CELF2: variants seen among roughly 807,000 people sequenced by gnomAD.
CELF2 encodes the protein CUGBP Elav-like family member 2.
A neutral mutation model predicts 62.6 loss-of-function variants in CELF2; 8 were observed. The observed-to-expected ratio is 0.13, with a 90% CI of 0.07 to 0.23. CELF2 has a LOEUF of 0.23. CELF2 is among the 10% of genes least tolerant of loss of function. CELF2 has a pLI of 1.00. For synonymous variants in CELF2, 258 were observed against 250.0 expected (o/e 1.03, Z -0.30); for missense variants, 333 against 671.0 (o/e 0.50, Z 5.56).
intron 1 of CELF2, among the ~76,000 whole-genome samples, chr10:11,067,156 C>G (rs1594498727): frequency 6.6e-6 from 1 of 152,066 alleles, no homozygotes; most frequent in African/African-American, 2.4e-5. Context: ...AAGGAGGAAC[C>G]TCAGCTTGTA....
the CELF2 span, among the ~76,000 whole-genome samples, chr10:10,700,360 G>T: frequency 6.6e-6 from 1 of 152,192 alleles, no homozygotes; most frequent in Non-Finnish European, 1.5e-5. Flanking sequence ...TTTACATGCA[G>T]CCTCTGAAGG....
At chr10:10,740,153 C>CTT in the CELF2 span, among the ~76,000 whole-genome samples, 3,177 of 94,388 alleles carry the variant, frequency 0.034, 344 homozygotes, top group African/African-American at 0.075. Flanking sequence ...GTTGCCTGTG[C>CTT]TTTTTTTTTT....
chr10:11,270,523 G>A lies in CELF2; in HGVS notation c.619-143G>A, dbSNP rs2083452052. ...GTTGATGGTACTATTCAGAGAAGAAGGAATATCAAACCGTTTTAAACCATT... is the reference window on the plus strand; with the variant it reads ...GTTGATGGTACTATTCAGAGAAGAAAGAATATCAAACCGTTTTAAACCATT... On this transcript the variant is annotated intron_variant, in intron 6 of 12. Coordinates refer to ENST00000633077, the MANE Select transcript of CELF2 (RefSeq NM_001326342.2). The surrounding 1 kb of genome is among the most constrained non-coding windows in gnomAD (Gnocchi z 5.8). The A allele has an allele frequency of 3.2e-6, 2 of 616,392 alleles. No homozygotes were observed. The highest frequency in any genetic ancestry group is 3.8e-5 in the African/African-American group (2 of 52,886). 38.2% of individuals were successfully genotyped at this position (616,392 alleles called of 1,614,324 possible).
intron 1 of CELF2, among the ~76,000 whole-genome samples, chr10:10,823,902 G>A (rs541672440): frequency 6.6e-6 from 1 of 152,290 alleles, no homozygotes; most frequent in African/African-American, 2.4e-5. Flanking sequence ...CAGATCGTGT[G>A]TGTGTGTACG....
intron 8 of CELF2, among the ~76,000 whole-genome samples, chr10:11,284,569 G>A (rs141456552): frequency 7.1e-5 from 10 of 140,708 alleles, no homozygotes; most frequent in African/African-American, 2.3e-4. Flanking sequence ...GGAGGGGTGG[G>A]TGGATGATGG....
chr10:10,724,367 G>T, the CELF2 span, among the ~76,000 whole-genome samples: 3 of 152,004 alleles, frequency 2.0e-5, no homozygotes, highest in South Asian at 2.1e-4. Flanking sequence ...GGTGGCTCAG[G>T]CCTGTAATCC....
At chr10:11,202,313 A>G (rs929242984) in intron 2 of CELF2, among the ~76,000 whole-genome samples, 44 of 152,342 alleles carry the variant, frequency 2.9e-4, no homozygotes, top group African/African-American at 1.0e-3. Flanking sequence ...AAAAGCTTAT[A>G]AATATATTGG....
intron 1 of CELF2, among the ~76,000 whole-genome samples, chr10:10,903,731 TG>T (rs1564795162): frequency 6.6e-6 from 1 of 152,194 alleles, no homozygotes; most frequent in Non-Finnish European, 1.5e-5. Context: ...CATTTCCTCC[TG>T]GTGGTGAGTG....
intron 2 of CELF2, among the ~76,000 whole-genome samples, chr10:10,956,912 C>T (rs921256407): frequency 9.3e-5 from 14 of 150,396 alleles, no homozygotes; most frequent in African/African-American, 2.5e-4. Context: ...CCAGCCTGGG[C>T]GGTAGACCAA....
the CELF2 span, among the ~76,000 whole-genome samples, chr10:10,764,426 C>T: frequency 0.18 from 27,768 of 152,076 alleles, 3,225 homozygotes; most frequent in African/African-American, 0.33. Flanking sequence ...TAAACAAATA[C>T]GATGGAGCAC....
At chr10:10,883,450 A>G (rs1409116907) in intron 1 of CELF2, among the ~76,000 whole-genome samples, 1 of 152,194 alleles carries the variant, frequency 6.6e-6, no homozygotes, top group Non-Finnish European at 1.5e-5. Context: ...CAGCTCTAAC[A>G]GATTCTTCAT....
intron 1 of CELF2, among the ~76,000 whole-genome samples, chr10:11,021,123 A>G (rs1266427761): frequency 6.6e-6 from 1 of 152,186 alleles, no homozygotes; most frequent in Non-Finnish European, 1.5e-5. Context: ...ATATACATGC[A>G]TTTAGGGTTT....
rs558739674 is a variant in CELF2, at chr10:10,934,614, G to A, written c.89+14615G>A. 2.6e-5 allele frequency: 4 copies of A among 152,344 alleles called. No individual in the cohort carries two copies. In the South Asian group the frequency reaches 8.3e-4, roughly 32 times the overall value. The allele number at this position is 152,344 out of a possible 1,614,324, so 9.4% of individuals were successfully genotyped here. ...CATGATTCTCACATTTCCAGTTTAG[G>A]AATGTCCTAGTATCATGAACAAAAA... is the stretch of plus-strand genomic sequence containing the variant. On this transcript the variant is annotated intron_variant, in intron 2 of 13. Coordinates refer to the CELF2 transcript ENST00000636488. This position sits in a 1 kb window ranked among gnomAD's most constrained non-coding sequence, Gnocchi z 4.4.
the CELF2 span, among the ~76,000 whole-genome samples, chr10:10,585,628 A>T: frequency 6.6e-6 from 1 of 152,200 alleles, no homozygotes; most frequent in Non-Finnish European, 1.5e-5. Flanking sequence ...AGAACAATAA[A>T]GTGTTTTTGA....
rs916961068 is a variant in CELF2, at chr10:11,300,739, G to A, written c.976+12187G>A. 6.6e-6 allele frequency among the ~76,000 whole-genome samples: 1 copy of A among 152,180 alleles called. No individual in the cohort carries two copies. The highest frequency in any genetic ancestry group is 1.5e-5 in the Non-Finnish European group (1 of 68,040). ...CCTCACAATCTTTTCCTGCGCAGTT[G>A]GAATTCCGCATCCAAGCTCGTTTGA... On this transcript the variant is annotated intron_variant, in intron 9 of 12. Coordinates refer to ENST00000633077, the MANE Select transcript of CELF2 (RefSeq NM_001326342.2). This position sits in a 1 kb window ranked among gnomAD's most constrained non-coding sequence, Gnocchi z 5.5.
chr10:10,578,066 A>C, the CELF2 span, among the ~76,000 whole-genome samples: 1 of 152,150 alleles, frequency 6.6e-6, no homozygotes, highest in Non-Finnish European at 1.5e-5. Flanking sequence ...CTGGTGTGAG[A>C]TGGTATCTCA....
In CELF2 at chr10:10,993,109, C is replaced by T. The variant is rs1357757944; in HGVS notation, c.89+73110C>T. On this transcript the variant is annotated intron_variant, in intron 2 of 13. Transcript: ENST00000636488. The surrounding 1 kb of genome is among the most constrained non-coding windows in gnomAD (Gnocchi z 5.3). ...AGGGCAGGGCAGAACAATTGCAGGG[C>T]CAGCTGCTGTTTCCCACCGAAGAGG... is the stretch of plus-strand genomic sequence containing the variant. Among the ~76,000 whole-genome samples the T allele has an allele frequency of 6.6e-6, 1 of 152,078 alleles. No homozygotes were observed. Among genetic ancestry groups the T allele is most frequent in the East Asian group, 1.9e-4 (1 of 5,176 alleles).
At chr10:10,877,989 C>T (rs1187718194) in intron 1 of CELF2, among the ~76,000 whole-genome samples, 1 of 152,238 alleles carries the variant, frequency 6.6e-6, no homozygotes, top group Non-Finnish European at 1.5e-5. Flanking sequence ...AAAGAAAATT[C>T]ATAAACCAAG....
rs571495844 is a variant in CELF2, at chr10:10,904,572, A to T, written c.54-15392A>T. Among the ~76,000 whole-genome samples, 11 of 152,048 alleles carry T rather than the reference A, an allele frequency of 7.2e-5. No homozygotes were observed. In the South Asian group the frequency reaches 2.3e-3, roughly 32 times the overall value. ...ATAGAAGTCTACCTCATTCTTTCTA[A>T]CCACTCCCTAGATTGCACACAACAT... On this transcript the variant is annotated intron_variant, in intron 1 of 13. Coordinates refer to the CELF2 transcript ENST00000636488.
Sources: allele counts gnomAD v4.1 joint callset (sites outside exome capture counted in the v4.1 genomes callset), GRCh38; gene constraint gnomAD v4.1.1; non-coding constraint Gnocchi (gnomAD v3.1); transcripts MANE v1.5; gene names NCBI Gene and HGNC (gene_info 2026-07-23, HGNC 2026-07-21).